DOCK5: variants seen among roughly 807,000 people sequenced by gnomAD.
DOCK5 encodes dedicator of cytokinesis 5.
In DOCK5, 142 loss-of-function variants were observed where a neutral mutation model predicts 251.8. The ratio of observed to expected loss-of-function variants is 0.56; its 90% CI spans 0.49 to 0.65. DOCK5 has a LOEUF of 0.65. Ranked by LOEUF, DOCK5 falls within the 30% of genes least tolerant of loss-of-function variation. The pLI is 0.00. For missense variants in DOCK5, 2,111 were observed against 2,312.3 expected, an observed-to-expected ratio of 0.91 and a Z score of 1.79; for synonymous variants, 842 against 835.5, an observed-to-expected ratio of 1.01 and a Z score of -0.13.
chr8:25,377,224 A>AAT (rs1800978395), intron 37 of DOCK5, 81 bp from the exon 38 acceptor site: 5 of 1,472,170 alleles, frequency 3.4e-6, no homozygotes, highest in Non-Finnish European at 4.5e-6. Context: ...CAATGAGTCA[A>AAT]ATATATATAC....
In DOCK5 at chr8:25,243,655, TTTTA is replaced by T. The variant is rs1481789952; in HGVS notation, c.44-15_44-12del. On this transcript the variant is annotated splice_polypyrimidine_tract_variant and intron_variant, in intron 1 of 51. Coordinates refer to ENST00000276440, the MANE Select transcript of DOCK5 (RefSeq NM_024940.8). ...AGTGACATGCATTCTAATTTCCCTT[TTTTA>T]TTTCTCATTTCCAGCGATCTATAAC... 1.9e-6 allele frequency: 3 copies of T among 1,609,810 alleles called. No homozygotes were observed. Among genetic ancestry groups the T allele is most frequent in the African/African-American group, 2.7e-5 (2 of 74,860 alleles).
At chr8:25,408,451 C>A (rs907545696) in intron 49 of DOCK5, among the ~76,000 whole-genome samples, 11 of 152,290 alleles carry the variant, frequency 7.2e-5, no homozygotes, top group Middle Eastern at 3.4e-3. Context: ...CAAACATTGT[C>A]ATTTCTCTTC....
At chr8:25,365,590 A>T (rs1232686276) in intron 30 of DOCK5, among the ~76,000 whole-genome samples, 1 of 152,158 alleles carries the variant, frequency 6.6e-6, no homozygotes, top group East Asian at 1.9e-4. Flanking sequence ...AAGTTTTCCC[A>T]TTGGTTACTT....
chr8:25,369,747 C>G, intron 34 of DOCK5, 106 bp downstream of exon 34: 1 of 840,976 alleles, frequency 1.2e-6, no homozygotes, highest in South Asian at 1.7e-5. Flanking sequence ...CTCAGAGTCA[C>G]TAGGGCCACC....
intron 1 of DOCK5, among the ~76,000 whole-genome samples, chr8:25,198,636 T>C (rs1204300569): frequency 6.6e-6 from 1 of 152,148 alleles, no homozygotes; most frequent in Non-Finnish European, 1.5e-5. Flanking sequence ...TTTTGCCCTC[T>C]TGTATGTAGA....
Position 25,307,582 on chromosome 8 carries a change from G to A in DOCK5, c.1050-1201G>A, listed in dbSNP as rs1205779626. Among the ~76,000 whole-genome samples the A allele has an allele frequency of 5.9e-5, 9 of 152,262 alleles. No individual in the cohort carries two copies. In the East Asian group the frequency reaches 1.7e-3, roughly 29 times the overall value. On this transcript the variant is annotated intron_variant, in intron 11 of 51. Transcript: ENST00000276440. ...TATTTAAGATTATATGTACATAATA[G>A]GAGTGACCTTCATGGATATGAAAGG...
intron 1 of DOCK5, among the ~76,000 whole-genome samples, chr8:25,241,988 C>T (rs1802962076): frequency 6.6e-6 from 1 of 150,754 alleles, no homozygotes; most frequent in African/African-American, 2.4e-5. Context: ...GAACATCACA[C>T]ACTGGGGCCT....
Position 25,411,301 on chromosome 8 carries a change from A to T in DOCK5, c.*3A>T. The T allele has an allele frequency of 6.7e-7, 1 of 1,501,978 alleles. No individual in the cohort carries two copies. The highest frequency in any genetic ancestry group is 8.9e-7 in the Non-Finnish European group (1 of 1,129,340). 93.0% of individuals were successfully genotyped at this position (1,501,978 alleles called of 1,614,324 possible). ...CTTCCGAGCCTGGATCCCAGTAAGG[A>T]TCTTGCCCTCCCTGCAACACCGAGT... On this transcript the variant is annotated 3_prime_UTR_variant, in exon 52 of 52. Coordinates refer to ENST00000276440, the MANE Select transcript of DOCK5 (RefSeq NM_024940.8).
At chr8:25,362,591 C>T (rs1295765543) in intron 28 of DOCK5, among the ~76,000 whole-genome samples, 1 of 151,496 alleles carries the variant, frequency 6.6e-6, no homozygotes, top group African/African-American at 2.4e-5. Flanking sequence ...CTCAGCCTCC[C>T]GAGTAGCTGG....
At chr8:25,376,709 T>C (rs1800969004) in intron 37 of DOCK5, 1 of 152,330 alleles carries the variant, frequency 6.6e-6, no homozygotes, top group Non-Finnish European at 1.5e-5. Flanking sequence ...TGCCCTTCAA[T>C]GGCGTGTGAA....
rs946116812 is a variant in DOCK5 at position 25,196,730 on chromosome 8, A to G, written c.43+11779A>G. Among the ~76,000 whole-genome samples the G allele has an allele frequency of 3.3e-5, 5 of 152,352 alleles. No homozygotes were observed. In the East Asian group the frequency reaches 9.6e-4, roughly 29 times the overall value. On this transcript the variant is annotated intron_variant, in intron 1 of 51. Coordinates refer to ENST00000276440, the MANE Select transcript of DOCK5 (RefSeq NM_024940.8). ...TTTTACCATAAAGCAAAGTTTTTCT[A>G]ACTTCTAGCTTATTGCCAGCAGTAT...
chr8:25,251,125 T>A (rs567553944), intron 2 of DOCK5, among the ~76,000 whole-genome samples: 1 of 152,314 alleles, frequency 6.6e-6, no homozygotes, highest in South Asian at 2.1e-4. Flanking sequence ...CTGTGTTTAA[T>A]TCATATCCAT....
At position 25,358,965 on chromosome 8, in the gene DOCK5, G is replaced by A. The variant is rs755065586; in HGVS notation, c.2853G>A (p.Gly951=). 8 of 1,613,586 alleles carry A rather than the reference G, an allele frequency of 5.0e-6. No homozygotes were observed. Among genetic ancestry groups the A allele is most frequent in the South Asian group, 1.1e-5 (1 of 91,072 alleles). The part of the protein sequence containing the change: ...IGMNRQSPHI[G]SFVACMIALL... ...TTGTGCTTTCCTTTTCCTTCCAGGG[G>A]AGTTTTGTGGCTTGCATGATTGCCC... Residue 951 remains glycine, a splice_region_variant and synonymous_variant, in exon 28 of 52, where the codon GGG becomes GGA. Transcript: ENST00000276440.
chr8:25,255,814 G>A (rs1803406857), intron 2 of DOCK5, among the ~76,000 whole-genome samples: 1 of 152,158 alleles, frequency 6.6e-6, no homozygotes, highest in South Asian at 2.1e-4. Flanking sequence ...GCTCAGTTTT[G>A]CTGTGGACCT....
intron 6 of DOCK5, among the ~76,000 whole-genome samples, chr8:25,295,720 TA>T (rs1157693434): frequency 2.6e-5 from 4 of 152,216 alleles, no homozygotes; most frequent in Non-Finnish European, 5.9e-5. Flanking sequence ...CCTTTACTCA[TA>T]AAATGGAAAT....
intron 20 of DOCK5, among the ~76,000 whole-genome samples, 175 bp from the exon 21 acceptor site, chr8:25,333,921 T>G (rs1805740652): frequency 6.6e-6 from 1 of 152,138 alleles, no homozygotes; most frequent in African/African-American, 2.4e-5. Flanking sequence ...GTCTCTCTAT[T>G]TATGCTAAAT....
chr8:25,298,881 T>C, intron 7 of DOCK5, 63 bp from the exon 8 acceptor site: 1 of 1,500,482 alleles, frequency 6.7e-7, no homozygotes, highest in Non-Finnish European at 9.0e-7. Context: ...TATTTATTTA[T>C]TTTTGCCAAC....
Position 25,295,514 on chromosome 8 carries a change from C to G in DOCK5, c.471-999C>G, listed in dbSNP as rs549871180. Among the ~76,000 whole-genome samples the G allele has an allele frequency of 1.2e-4, 19 of 152,124 alleles. No individual in the cohort carries two copies. In the South Asian group the frequency reaches 2.7e-3, roughly 22 times the overall value. On this transcript the variant is annotated intron_variant, in intron 6 of 51. Transcript: ENST00000276440. The stretch of plus-strand genomic sequence containing the variant: ...TCATAATGTTAGCAAGTATTCAAGC[C>G]AAGATTCAAATCCTGGTCTAAATGA...
At chr8:25,338,820 G>A (rs1805877694) in intron 22 of DOCK5, among the ~76,000 whole-genome samples, 1 of 152,208 alleles carries the variant, frequency 6.6e-6, no homozygotes, top group Non-Finnish European at 1.5e-5. Context: ...GAAAACCTGA[G>A]TGTGAAATTA....
Sources: gnomAD v4.1 joint callset for allele counts (sites outside exome capture counted in the v4.1 genomes callset) on GRCh38, gnomAD v4.1.1 for gene constraint, MANE v1.5 for transcripts, NCBI Gene and HGNC (gene_info 2026-07-23, HGNC 2026-07-21) for gene names.